The following COL5A2 variants were observed in gnomAD, a reference collection of about 807,000 sequenced individuals.
COL5A2 encodes collagen alpha-2(V) chain.
In COL5A2, 23 loss-of-function variants were observed where a neutral mutation model predicts 208.2. The observed-to-expected ratio is 0.11, with a 90% confidence interval of 0.08 to 0.16. COL5A2 has a LOEUF of 0.16. Among genes scored for constraint, COL5A2 ranks in the 10% least tolerant of loss-of-function variants. The pLI is 1.00. For missense variants in COL5A2, 1,590 were observed against 1,956.4 expected (o/e 0.81, Z 3.53); for synonymous variants, 625 against 628.5 (o/e 0.99, Z 0.08).
the COL5A2 span, among the ~76,000 whole-genome samples, chr2:189,252,911 A>G: frequency 2.0e-5 from 3 of 152,210 alleles, no homozygotes; most frequent in Non-Finnish European, 4.4e-5. Flanking sequence ...GGGACTGTGA[A>G]GGAAAATTGG....
At chr2:189,085,874 G>T (rs1016614321) in intron 9 of COL5A2, 102 bp from the exon 10 acceptor site, 1 of 936,418 alleles carries the variant, frequency 1.1e-6, no homozygotes, top group Non-Finnish European at 1.7e-6. Flanking sequence ...AGTTGGCTCT[G>T]CCATCTTCCA....
rs1275325504 is a variant in COL5A2 at position 189,048,400 on chromosome 2, A to C, written c.3148-138T>G. ...TTAGCATTTATGCAAATGTCAGCAG[A>C]AGAACGGTTTCTACCTCTTTTTCAT... On this transcript the variant is annotated intron_variant, in intron 44 of 53. Transcript: ENST00000374866. 8 of 703,288 alleles carry C rather than the reference A, an allele frequency of 1.1e-5. No individual in the cohort carries two copies. In the East Asian group the frequency reaches 2.5e-4, roughly 22 times the overall value. The allele number at this position is 703,288 out of a possible 1,614,324, so 43.6% of individuals were successfully genotyped here. A position where few individuals can be genotyped will look rare whatever the true frequency, so the allele number is the denominator to read the frequency against.
chr2:189,320,107 G>A, the COL5A2 span, among the ~76,000 whole-genome samples: 172 of 152,304 alleles, frequency 1.1e-3, no homozygotes, highest in African/African-American at 3.8e-3. Context: ...TGAGGATTCC[G>A]ACTATTAAAA....
the COL5A2 span, among the ~76,000 whole-genome samples, chr2:189,358,855 AT>A: frequency 0.2 from 30,429 of 148,598 alleles, 3,243 homozygotes; most frequent in South Asian, 0.26. Flanking sequence ...TGCCTTCTTG[AT>A]TTTTTTTTTC....
chr2:189,058,151 A>G (rs910416817), intron 33 of COL5A2, among the ~76,000 whole-genome samples: 1 of 152,184 alleles, frequency 6.6e-6, no homozygotes, highest in Non-Finnish European at 1.5e-5. Flanking sequence ...GCCACTAATA[A>G]AATGTACATA....
chr2:189,200,905 T>C (rs1395125511), intron 1 of COL5A2, among the ~76,000 whole-genome samples: 1 of 152,070 alleles, frequency 6.6e-6, no homozygotes, highest in Non-Finnish European at 1.5e-5. Flanking sequence ...ATAATGGCTT[T>C]CTTTCACACA....
intron 2 of COL5A2, among the ~76,000 whole-genome samples, chr2:189,108,922 T>G (rs935137211): frequency 6.6e-6 from 1 of 151,908 alleles, no homozygotes; most frequent in Non-Finnish European, 1.5e-5. Flanking sequence ...GACCATTACT[T>G]ATTTCTGCTT....
Position 189,179,698 on chromosome 2 carries a change from A to G in COL5A2, c.-94T>C. On this transcript the variant is annotated 5_prime_UTR_variant, in exon 1 of 54. Transcript: ENST00000374866. ...GAAGTCAGCTGTGGGCTCTTCTTTC[A>G]GCACCAGCCCCAGGGCAGCCTCTGC... 3.9e-6 allele frequency: 6 copies of G among 1,542,930 alleles called. No homozygotes were observed. The highest frequency in any genetic ancestry group is 1.2e-5 in the South Asian group (1 of 84,436).
intron 1 of COL5A2, among the ~76,000 whole-genome samples, chr2:189,213,181 C>T (rs1286853898): frequency 5.3e-5 from 8 of 152,024 alleles, no homozygotes; most frequent in African/African-American, 1.9e-4. Context: ...TGAGTCACCA[C>T]GCCCTGCCTT....
Position 189,068,016 on chromosome 2 carries a change from G to A in COL5A2, c.1400C>T (p.Pro467Leu), listed in dbSNP as rs115570272. ...GATAGTTCTTTCAAAGGTCATTACC[G>A]GTTGGCCTCGAATTCCCTGAGGACC... ...STGPQGIRGQ[P>L]GDPGVPGFKG... The change falls in exon 21 of 54, where the codon CCG becomes CTG. Residue 467 changes from proline (P) to leucine (L), a missense_variant and splice_region_variant. Pro to Leu is a moderately conservative substitution (Grantham distance 98). Transcript: ENST00000374866. 1.7e-3 allele frequency: 2,756 copies of A among 1,612,550 alleles called. 33 individuals carry two copies. The African/African-American group carries it at 0.032, about 19-fold the overall frequency.
chr2:189,290,411 T>C, the COL5A2 span, among the ~76,000 whole-genome samples: 1 of 151,892 alleles, frequency 6.6e-6, no homozygotes, highest in Non-Finnish European at 1.5e-5. Context: ...AAACCAAGAG[T>C]GTAGTGTCAT....
the COL5A2 span, among the ~76,000 whole-genome samples, chr2:189,245,468 A>C: frequency 6.8e-6 from 1 of 147,640 alleles, no homozygotes; most frequent in Non-Finnish European, 1.5e-5. Context: ...AAGATTAATT[A>C]AGGTATACTC....
At chr2:189,061,763 T>C (rs1559084924) in intron 29 of COL5A2, 148 bp from the exon 30 acceptor site, 1 of 678,098 alleles carries the variant, frequency 1.5e-6, no homozygotes, top group South Asian at 1.7e-5. Flanking sequence ...CTAGTATTAA[T>C]AGTAACCAAA....
chr2:189,240,547 T>A, the COL5A2 span, among the ~76,000 whole-genome samples: 2 of 152,188 alleles, frequency 1.3e-5, no homozygotes, highest in African/African-American at 4.8e-5. Context: ...GTTTAAAGTA[T>A]TGGATAACTT....
At chr2:189,121,626 CTA>C (rs908648287) in intron 1 of COL5A2, among the ~76,000 whole-genome samples, 5 of 137,880 alleles carry the variant, frequency 3.6e-5, no homozygotes, top group Non-Finnish European at 7.7e-5. Context: ...CTGGGACAAA[CTA>C]TAAAAGCATT....
chr2:189,147,504 G>C (rs1005539780), intron 1 of COL5A2, among the ~76,000 whole-genome samples: 1 of 152,124 alleles, frequency 6.6e-6, no homozygotes, highest in African/African-American at 2.4e-5. Flanking sequence ...AGGAATCATG[G>C]TACTGGGAGG....
chr2:189,095,107 T>TTTGATGGTAATCAATGGTGATGGTAATCA lies in COL5A2; in HGVS notation c.456+2169_456+2170insTGATTACCATCACCATTGATTACCATCAA, dbSNP rs1361631515. The stretch of plus-strand genomic sequence containing the variant: ...GTGTTAACAGTGAGAAACCATGCTG[T>TTTGATGGTAATCAATGGTGATGGTAATCA]ACATTGTGAGCCTTCCGTACTGTTT... On this transcript the variant is annotated intron_variant, in intron 6 of 53. Coordinates refer to ENST00000374866, the MANE Select transcript of COL5A2 (RefSeq NM_000393.5). 9 of 150,018 alleles carry TTTGATGGTAATCAATGGTGATGGTAATCA rather than the reference T, an allele frequency of 6.0e-5. No individual in the cohort carries two copies. In the Admixed American group the frequency reaches 6.1e-4, roughly 10 times the overall value. The allele number at this position is 150,018 out of a possible 1,614,324, so 9.3% of individuals were successfully genotyped here.
intron 1 of COL5A2, among the ~76,000 whole-genome samples, chr2:189,209,439 C>T (rs1417345937): frequency 6.6e-6 from 1 of 152,122 alleles, no homozygotes; most frequent in Non-Finnish European, 1.5e-5. Flanking sequence ...TATACAGGTA[C>T]TGTTCTAAGT....
chr2:189,322,355 CA>C, the COL5A2 span, among the ~76,000 whole-genome samples: 1 of 151,946 alleles, frequency 6.6e-6, no homozygotes, highest in Non-Finnish European at 1.5e-5. Flanking sequence ...CATAGAGACA[CA>C]AAAAACCCTT....
Sources: gnomAD v4.1 joint callset for allele counts (sites outside exome capture counted in the v4.1 genomes callset) on GRCh38, gnomAD v4.1.1 for gene constraint, MANE v1.5 for transcripts, NCBI Gene and HGNC (gene_info 2026-07-23, HGNC 2026-07-21) for gene names.